NRXN3: variants seen among roughly 807,000 people sequenced by gnomAD.
NRXN3 encodes the protein neurexin III.
NRXN3 carries 32 observed loss-of-function variants against 137.6 expected under a neutral mutation model. The ratio of observed to expected loss-of-function variants is 0.23; its 90% confidence interval spans 0.18 to 0.31. The LOEUF (loss-of-function observed/expected upper bound fraction) is 0.31. NRXN3 is among the 10% of genes least tolerant of loss of function. The pLI, the probability that NRXN3 is intolerant of heterozygous loss-of-function variation, is 1.00. For synonymous variants in NRXN3, 798 were observed against 784.5 expected (o/e 1.02, Z -0.29); for missense variants, 1,574 against 2,062.5 (o/e 0.76, Z 4.59).
At chr14:79,446,888 T>C (rs115538032) in intron 15 of NRXN3, among the ~76,000 whole-genome samples, 2,586 of 152,312 alleles carry the variant, frequency 0.017, 76 homozygotes, top group African/African-American at 0.057. Flanking sequence ...TTTCTAAGTG[T>C]ACAATACAGT....
At chr14:78,464,234 T>C (rs2095028657) in intron 4 of NRXN3, among the ~76,000 whole-genome samples, 1 of 152,074 alleles carries the variant, frequency 6.6e-6, no homozygotes, top group Non-Finnish European at 1.5e-5. Context: ...TTTTGTATTT[T>C]TAGTAGAGAC....
intron 16 of NRXN3, among the ~76,000 whole-genome samples, chr14:79,477,583 C>A (rs909120044): frequency 6.6e-6 from 1 of 151,922 alleles, no homozygotes; most frequent in Non-Finnish European, 1.5e-5. Context: ...AGTTTTATAC[C>A]AATGATCGAT....
At chr14:78,397,666 C>T (rs1598225376) in intron 4 of NRXN3, among the ~76,000 whole-genome samples, 1 of 151,722 alleles carries the variant, frequency 6.6e-6, no homozygotes, top group Admixed American at 6.6e-5. Flanking sequence ...TGCAGTGGTG[C>T]GATTTTGGCT....
At chr14:79,621,004 A>C (rs2098217937) in intron 16 of NRXN3, among the ~76,000 whole-genome samples, 1 of 152,134 alleles carries the variant, frequency 6.6e-6, no homozygotes, top group Non-Finnish European at 1.5e-5. Flanking sequence ...GGCCAAAAAA[A>C]GTGTAACCCA....
chr14:79,277,362 A>G (rs2080453293), intron 15 of NRXN3, among the ~76,000 whole-genome samples: 1 of 152,198 alleles, frequency 6.6e-6, no homozygotes, highest in African/African-American at 2.4e-5. Context: ...CTTAAGGCCA[A>G]AAGTGCAGTG....
At chr14:78,869,416 C>T (rs1275580098) in intron 10 of NRXN3, among the ~76,000 whole-genome samples, 1 of 151,988 alleles carries the variant, frequency 6.6e-6, no homozygotes, top group Non-Finnish European at 1.5e-5. Context: ...TCACATCTCC[C>T]ACTTGCTTGA....
intron 16 of NRXN3, among the ~76,000 whole-genome samples, chr14:79,565,279 A>G (rs1357743775): frequency 6.8e-6 from 1 of 146,356 alleles, no homozygotes. Flanking sequence ...GTGTGTGTAT[A>G]CATATACGCA....
At chr14:78,519,935 C>G (rs1191691375) in intron 4 of NRXN3, among the ~76,000 whole-genome samples, 3 of 152,152 alleles carry the variant, frequency 2.0e-5, no homozygotes, top group African/African-American at 7.2e-5. Context: ...AGGTATGCAA[C>G]AGTGAACATT....
At chr14:79,452,632 G>C (rs1431818694) in intron 15 of NRXN3, among the ~76,000 whole-genome samples, 3 of 152,170 alleles carry the variant, frequency 2.0e-5, no homozygotes, top group South Asian at 4.1e-4. Context: ...CCAGGGTGAA[G>C]AACAAGTAAG....
At chr14:78,679,257 C>T (rs2098046515) in intron 6 of NRXN3, among the ~76,000 whole-genome samples, 1 of 152,124 alleles carries the variant, frequency 6.6e-6, no homozygotes, top group Admixed American at 6.6e-5. Context: ...GTATAATTAA[C>T]AATGGAGTCT....
chr14:79,538,305 C>G (rs1311009784), intron 16 of NRXN3, among the ~76,000 whole-genome samples: 1 of 152,092 alleles, frequency 6.6e-6, no homozygotes, highest in Non-Finnish European at 1.5e-5. Context: ...AATTAGATCC[C>G]ATTTGTTAGT....
At chr14:78,633,979 A>G (rs2097545311) in intron 4 of NRXN3, among the ~76,000 whole-genome samples, 1 of 152,214 alleles carries the variant, frequency 6.6e-6, no homozygotes, top group Non-Finnish European at 1.5e-5. Flanking sequence ...GGGAAGGCTA[A>G]GAGGATGGGC....
chr14:78,539,778 A>T (rs745976285), intron 4 of NRXN3, among the ~76,000 whole-genome samples: 1 of 152,128 alleles, frequency 6.6e-6, no homozygotes, highest in Admixed American at 6.6e-5. Flanking sequence ...ACTGTTTTAA[A>T]TGTGTCCCAG....
intron 20 of NRXN3, chr14:79,853,544 A>G (rs962167756): frequency 1.5e-6 from 2 of 1,349,496 alleles, no homozygotes; most frequent in Non-Finnish European, 2.0e-6. Context: ...TACAGCCAGA[A>G]GCTCTAATGC....
intron 15 of NRXN3, among the ~76,000 whole-genome samples, chr14:79,003,028 C>T (rs969208604): frequency 6.6e-6 from 1 of 152,080 alleles, no homozygotes. Context: ...AGTGCAGTGG[C>T]TATTCACAGC....
Position 79,524,717 on chromosome 14 carries a change from A to G in NRXN3, c.3444+57315A>G, listed in dbSNP as rs116640865. ...CTGAAAAATCAACTTGCAAAATGCA[A>G]ATTGATCAGAGAAAAAGTGTACACA... On this transcript the variant is annotated intron_variant, in intron 16 of 20. Coordinates refer to ENST00000335750, the MANE Select transcript of NRXN3 (RefSeq NM_001330195.2). 3.9e-3 allele frequency among the ~76,000 whole-genome samples: 601 copies of G among 152,352 alleles called. 8 individuals are homozygous for G. Among genetic ancestry groups the G allele is most frequent in the African/African-American group, 0.013 (560 of 41,582 alleles).
intron 4 of NRXN3, among the ~76,000 whole-genome samples, chr14:78,493,040 G>T (rs987828214): frequency 6.6e-6 from 1 of 152,104 alleles, no homozygotes. Context: ...TTAGAGGAAT[G>T]TACCCTTTCC....
At chr14:78,948,771 G>A (rs1226654278) in intron 10 of NRXN3, among the ~76,000 whole-genome samples, 1 of 151,236 alleles carries the variant, frequency 6.6e-6, no homozygotes, top group Non-Finnish European at 1.5e-5. Flanking sequence ...TTCATAATTA[G>A]CAATAGTCTC....
rs540392578 is a variant in NRXN3 at position 78,971,259 on chromosome 14, A to G, written c.3142+2913A>G. On this transcript the variant is annotated intron_variant, in intron 14 of 20. Transcript: ENST00000335750. ...GAGACCCCCAAGAAGGCCTTTGAGC[A>G]TTAGGTAGTATGAGGACCACAGGAA... is the stretch of plus-strand genomic sequence containing the variant. Among the ~76,000 whole-genome samples, 3 of 152,248 alleles carry G rather than the reference A, an allele frequency of 2.0e-5. No homozygotes were observed. In the South Asian group the frequency reaches 6.2e-4, roughly 32 times the overall value.
Sources: allele counts gnomAD v4.1 joint callset (sites outside exome capture counted in the v4.1 genomes callset), GRCh38; gene constraint gnomAD v4.1.1; transcripts MANE v1.5; gene names NCBI Gene and HGNC (gene_info 2026-07-23, HGNC 2026-07-21).